Variants in ASB9 observed in about 807,000 individuals in gnomAD.
ASB9 encodes the protein ankyrin repeat and SOCS box protein 9.
In ASB9, 5 loss-of-function variants were observed where a neutral mutation model predicts 16.6. The observed-to-expected ratio is 0.30, with a 90% confidence interval of 0.16 to 0.63. The LOEUF (loss-of-function observed/expected upper bound fraction) is 0.63, where lower values mean the gene tolerates loss of function less well. Among genes scored for constraint, ASB9 ranks in the 30% least tolerant of loss-of-function variants. The pLI, the probability that ASB9 is intolerant of heterozygous loss-of-function variation, is 0.82. For synonymous variants in ASB9, 100 were observed against 86.4 expected, an observed-to-expected ratio of 1.16 and a Z score of -0.87; for missense variants, 216 against 229.4, an observed-to-expected ratio of 0.94 and a Z score of 0.38.
chrX:15,260,064 CAG>C (rs778628002), intron 1 of ASB9, among the ~76,000 whole-genome samples: 248 of 112,021 alleles, frequency 2.2e-3, no homozygotes, highest in Non-Finnish European at 3.7e-3. Flanking sequence ...TAACACTAAA[CAG>C]AGAGTCTTAA....
rs753789585 is a variant in ASB9 at position 15,251,668 on chromosome X, CTT to C, written c.433+584_433+585del. On this transcript the variant is annotated intron_variant, in intron 4 of 6. Transcript: ENST00000380488. ...TGCTAAATATTGGAGAAAATAAAAA[CTT>C]GTGATTTTATGAGCTAAGACTATCA... Among the ~76,000 whole-genome samples the C allele has an allele frequency of 2.9e-3, 320 of 111,737 alleles. 1 individual carries two copies. The highest frequency in any genetic ancestry group is 9.3e-3 in the African/African-American group (285 of 30,766).
At chrX:15,258,519 T>A (rs987326986) in intron 2 of ASB9, among the ~76,000 whole-genome samples, 9 of 111,934 alleles carry the variant, frequency 8.0e-5, no homozygotes, top group African/African-American at 2.9e-4. Context: ...TCTAGATAGG[T>A]CTATGAAATT....
chrX:15,263,054 G>A (rs966515892), intron 1 of ASB9, among the ~76,000 whole-genome samples: 12 of 112,101 alleles, frequency 1.1e-4, no homozygotes, highest in African/African-American at 3.2e-4. Flanking sequence ...TAGGGAGGCT[G>A]CCATTTCATT....
Position 15,244,374 on chromosome X carries a change from G to A in ASB9, c.*132C>T. 1 of 819,450 alleles carries A rather than the reference G, an allele frequency of 1.2e-6. No individual in the cohort carries two copies. Among genetic ancestry groups the A allele is most frequent in the Non-Finnish European group, 1.7e-6 (1 of 582,924 alleles). 67.5% of individuals were successfully genotyped at this position (819,450 alleles called of 1,213,427 possible). A position where few individuals can be genotyped will look rare whatever the true frequency, so the allele number is the denominator to read the frequency against. On this transcript the variant is annotated 3_prime_UTR_variant, in exon 7 of 7. Coordinates refer to ENST00000380488, the MANE Select transcript of ASB9 (RefSeq NM_001031739.3). The stretch of plus-strand genomic sequence containing the variant: ...AAAATTAGTCAAACTCCATAAACAA[G>A]TTTATAACAAATACAAATCTAATCG...
At chrX:15,270,191 G>A (rs907587827), upstream of ASB9, 2 of 193,454 alleles carry the variant, frequency 1.0e-5, no homozygotes, top group African/African-American at 5.9e-5. Flanking sequence ...CTGATGTCAC[G>A]TCCTTTCCCA....
At chrX:15,267,417 A>AAAAAAATAC (rs780282231) in intron 1 of ASB9, among the ~76,000 whole-genome samples, 6 of 77,985 alleles carry the variant, frequency 7.7e-5, no homozygotes, top group South Asian at 6.6e-4. Flanking sequence ...CTAAAAAAAA[A>AAAAAAATAC]ATATATATAT....
intron 6 of ASB9, 156 bp downstream of exon 6, chrX:15,248,583 TATCTC>T: frequency 3.3e-6 from 3 of 900,071 alleles, no homozygotes; most frequent in Non-Finnish European, 4.5e-6. Context: ...ACCAGTACTG[TATCTC>T]ATTGAATATT....
chrX:15,250,312 T>C, intron 5 of ASB9, 118 bp downstream of exon 5: 1 of 833,094 alleles, frequency 1.2e-6, no homozygotes, highest in Non-Finnish European at 1.7e-6. Context: ...ATATGAACCC[T>C]GACCTTGTCC....
In ASB9 at chrX:15,264,403, T is replaced by C. The variant is rs753717580; in HGVS notation, c.94+5378A>G. On this transcript the variant is annotated intron_variant, in intron 1 of 6. Coordinates refer to ENST00000380488, the MANE Select transcript of ASB9 (RefSeq NM_001031739.3). ...CCATATATATTTTCAGGGTACACAA[T>C]TTAACTCGTAACAAGCTACTTTCAG... Among the ~76,000 whole-genome samples, 15 of 111,722 alleles carry C rather than the reference T, an allele frequency of 1.3e-4. No individual in the cohort carries two copies. The South Asian group carries it at 5.7e-3, about 42-fold the overall frequency.
chrX:15,246,636 C>T (rs1477468610), intron 6 of ASB9, among the ~76,000 whole-genome samples: 1 of 110,918 alleles, frequency 9.0e-6, no homozygotes, highest in Non-Finnish European at 1.9e-5. Flanking sequence ...CCACCACGCC[C>T]GGCTAATTTT....
chrX:15,254,787 G>A lies in ASB9; in HGVS notation c.232C>T (p.Leu78Phe). ...TTCACACAAGAGAGATGACCTCCAA[G>A]ACAGGCTTCATGGAGTGGGGAAACA... is the stretch of plus-strand genomic sequence containing the variant. ...DHVSPLHEACLGGHLSCVKIL... is the reference protein window; with the variant it reads ...DHVSPLHEACFGGHLSCVKIL... The change falls in exon 3 of 7, where the codon CTT becomes TTT. Residue 78 changes from leucine to phenylalanine, a missense_variant. Coordinates refer to ENST00000380488, the MANE Select transcript of ASB9 (RefSeq NM_001031739.3). The A allele has an allele frequency of 2.5e-6, 3 of 1,211,149 alleles. No individual in the cohort carries two copies. The highest frequency in any genetic ancestry group is 1.8e-5 in the South Asian group (1 of 56,908).
intron 6 of ASB9, among the ~76,000 whole-genome samples, chrX:15,247,362 T>C (rs1283321658): frequency 9.0e-6 from 1 of 111,450 alleles, no homozygotes; most frequent in Non-Finnish European, 1.9e-5. Context: ...GTAATTACTG[T>C]CTCTAGGAAT....
At chrX:15,263,588 TTCTCTCTC>T (rs10578883) in intron 1 of ASB9, among the ~76,000 whole-genome samples, 4,557 of 100,551 alleles carry the variant, frequency 0.045, 279 homozygotes, top group African/African-American at 0.15. Context: ...TCCCTCTCTC[TTCTCTCTC>T]TCTCTCTCTC....
intron 1 of ASB9, among the ~76,000 whole-genome samples, chrX:15,266,207 G>C (rs1926374435): frequency 8.9e-6 from 1 of 111,918 alleles, no homozygotes; most frequent in Non-Finnish European, 1.9e-5. Context: ...CCAAAGTGCT[G>C]GGATTACAGG....
At chrX:15,250,962 C>G (rs1323591970) in intron 4 of ASB9, among the ~76,000 whole-genome samples, 5 of 111,725 alleles carry the variant, frequency 4.5e-5, no homozygotes, top group Non-Finnish European at 9.4e-5. Flanking sequence ...ACCTCGTGGT[C>G]CGCCCGCCTC....
chrX:15,252,419 T>G lies in ASB9; in HGVS notation c.283-15A>C, dbSNP rs755083353. 8.4e-7 allele frequency: 1 copy of G among 1,184,420 alleles called. No homozygotes were observed. Among genetic ancestry groups the G allele is most frequent in the African/African-American group, 1.8e-5 (1 of 56,492 alleles). On this transcript the variant is annotated splice_polypyrimidine_tract_variant and intron_variant, in intron 3 of 6. Transcript: ENST00000380488. ...ACACCATTCACCTGGTAAAAGAAGC[T>G]CCAGAATGAAGACAGGAAGGGGGAT...
chrX:15,248,992 G>C, intron 5 of ASB9, 57 bp from the exon 6 acceptor site: 7 of 1,046,556 alleles, frequency 6.7e-6, no homozygotes, highest in Non-Finnish European at 8.6e-6. Context: ...AACCATCGGG[G>C]CTTTTCAAAG....
intron 6 of ASB9, among the ~76,000 whole-genome samples, chrX:15,246,999 C>T (rs991151231): frequency 7.2e-5 from 8 of 111,729 alleles, no homozygotes; most frequent in Non-Finnish European, 1.5e-4. Flanking sequence ...CAATTCAGAA[C>T]ATGGTTGGGT....
In ASB9 at chrX:15,268,903, T is replaced by C. The variant is rs1006235322; in HGVS notation, c.94+878A>G. On this transcript the variant is annotated intron_variant, in intron 1 of 6. Coordinates refer to ENST00000380488, the MANE Select transcript of ASB9 (RefSeq NM_001031739.3). Reference sequence around the variant, plus strand: ...TTTCCCAGCTCTGGGTGCTGGGGCTTGTCTCCGTCACAAGCCCCCAAGGAT... The same window carrying C: ...TTTCCCAGCTCTGGGTGCTGGGGCTCGTCTCCGTCACAAGCCCCCAAGGAT... 2.7e-5 allele frequency among the ~76,000 whole-genome samples: 3 copies of C among 111,030 alleles called. No homozygotes were observed. The Admixed American group carries it at 2.9e-4, about 11-fold the overall frequency.
Sources: gnomAD v4.1 joint callset for allele counts (sites outside exome capture counted in the v4.1 genomes callset) on GRCh38, gnomAD v4.1.1 for gene constraint, MANE v1.5 for transcripts, NCBI Gene and HGNC (gene_info 2026-07-23, HGNC 2026-07-21) for gene names.